ACO1: variants seen among roughly 807,000 people sequenced by gnomAD.
ACO1 encodes the protein cytoplasmic aconitate hydratase.
ACO1 carries 78 observed loss-of-function variants against 105.1 expected under a neutral mutation model. The observed-to-expected ratio is 0.74, with a 90% CI of 0.62 to 0.90. The LOEUF (loss-of-function observed/expected upper bound fraction) is 0.90, where lower values mean the gene tolerates loss of function less well. ACO1 is among the 40% of genes least tolerant of loss of function. ACO1 has a pLI of 0.00. For synonymous variants in ACO1, 364 were observed against 397.4 expected, an observed-to-expected ratio of 0.92 and a Z score of 1.00; for missense variants, 965 against 1,111.1, an observed-to-expected ratio of 0.87 and a Z score of 1.87.
At chr9:32,409,883 T>G (rs1821698289) in intron 4 of ACO1, among the ~76,000 whole-genome samples, 1 of 151,962 alleles carries the variant, frequency 6.6e-6, no homozygotes, top group African/African-American at 2.4e-5. Context: ...ACTGAACATG[T>G]GAATATGCAG....
chr9:32,387,735 C>G (rs1171274194), intron 1 of ACO1, among the ~76,000 whole-genome samples: 4 of 152,162 alleles, frequency 2.6e-5, no homozygotes, highest in Admixed American at 6.5e-5. Context: ...TGCAGCTACT[C>G]AGCTCTGGTG....
intron 13 of ACO1, among the ~76,000 whole-genome samples, chr9:32,429,775 T>A (rs535091694): frequency 2.0e-5 from 3 of 152,330 alleles, no homozygotes; most frequent in African/African-American, 7.2e-5. Flanking sequence ...CATAAGTCAC[T>A]TAGTGCAGTG....
chr9:32,435,939 T>C (rs1228883875), intron 17 of ACO1: 4 of 502,310 alleles, frequency 8.0e-6, no homozygotes, highest in African/African-American at 5.8e-5. Context: ...TATGAAGCTT[T>C]ATAGGCTACC....
chr9:32,402,275 C>T (rs954768661), intron 1 of ACO1, among the ~76,000 whole-genome samples: 4 of 152,026 alleles, frequency 2.6e-5, no homozygotes, highest in Non-Finnish European at 4.4e-5. Flanking sequence ...AAAGCAGCAA[C>T]CCCAAATAGT....
At chr9:32,436,514 C>G in intron 18 of ACO1, 117 bp downstream of exon 18, 1 of 1,169,224 alleles carries the variant, frequency 8.6e-7, no homozygotes, top group Non-Finnish European at 1.2e-6. Context: ...CCATCCTACC[C>G]TAACTACAGT....
intron 11 of ACO1, 27 bp downstream of exon 11, chr9:32,426,024 G>T: frequency 6.2e-7 from 1 of 1,607,916 alleles, no homozygotes; most frequent in Non-Finnish European, 8.5e-7. Flanking sequence ...CCATCCTCAT[G>T]GTCATACATG....
rs1347023093 is a variant in ACO1, at chr9:32,450,362, A to C, written c.*251A>C. 2 of 544,554 alleles carry C rather than the reference A, an allele frequency of 3.7e-6. No homozygotes were observed. The highest frequency in any genetic ancestry group is 7.4e-5 in the East Asian group (2 of 27,100). 33.7% of individuals were successfully genotyped at this position (544,554 alleles called of 1,614,324 possible). ...ATGGTGGGAATGTCAGTAGTGCCAG[A>C]AAGAGAGAACCAAGCTTGTCTTTAA... On this transcript the variant is annotated 3_prime_UTR_variant, in exon 21 of 21. Transcript: ENST00000309951.
intron 18 of ACO1, among the ~76,000 whole-genome samples, chr9:32,437,629 T>C (rs1268399828): frequency 1.3e-5 from 2 of 152,226 alleles, no homozygotes; most frequent in Non-Finnish European, 2.9e-5. Flanking sequence ...TCTAGTCAGA[T>C]GTCTAGAACC....
chr9:32,404,587 G>T (rs1821566486), intron 1 of ACO1, among the ~76,000 whole-genome samples: 1 of 152,328 alleles, frequency 6.6e-6, no homozygotes, highest in Admixed American at 6.5e-5. Context: ...GCTGGAGCCA[G>T]GTGGCCTCTG....
chr9:32,449,681 A>G (rs752430012), intron 20 of ACO1, among the ~76,000 whole-genome samples: 35 of 152,188 alleles, frequency 2.3e-4, no homozygotes, highest in Non-Finnish European at 4.7e-4. Flanking sequence ...AGGTTTAGAA[A>G]ATACCACCCT....
intron 2 of ACO1, among the ~76,000 whole-genome samples, chr9:32,406,507 C>T (rs1821614351): frequency 6.6e-6 from 1 of 152,138 alleles, no homozygotes; most frequent in African/African-American, 2.4e-5. Flanking sequence ...CCTATAGTCC[C>T]TGGTATTTAG....
intron 6 of ACO1, 112 bp from the exon 7 acceptor site, chr9:32,418,926 C>T: frequency 7.8e-7 from 1 of 1,275,010 alleles, no homozygotes. Flanking sequence ...TGACTCTGCA[C>T]CAATTAAACG....
rs747971044 is a variant in ACO1 at position 32,420,962 on chromosome 9, A to T, written c.905A>T (p.Glu302Val). ...DRATIANMCP[E>V]YGATAAFFPV... is the part of the protein sequence containing the mutation. ...GCTACGATTGCTAACATGTGTCCAGAGTACGGAGCAACTGCTGCCTTTTTC... is the reference window on the plus strand; with the variant it reads ...GCTACGATTGCTAACATGTGTCCAGTGTACGGAGCAACTGCTGCCTTTTTC... Residue 302 changes from glutamate (E) to valine (V), a missense_variant, in exon 8 of 21, where the codon GAG becomes GTG. Coordinates refer to ENST00000309951, the MANE Select transcript of ACO1 (RefSeq NM_002197.3). The T allele has an allele frequency of 2.5e-6, 4 of 1,614,188 alleles. No individual in the cohort carries two copies. In the South Asian group the frequency reaches 4.4e-5, roughly 18 times the overall value.
intron 11 of ACO1, among the ~76,000 whole-genome samples, chr9:32,426,540 T>C (rs1211633000): frequency 6.6e-6 from 1 of 152,226 alleles, no homozygotes; most frequent in Admixed American, 6.5e-5. Context: ...GCTCCTCTTA[T>C]ATCCATCCAC....
At chr9:32,425,001 G>A (rs538494582) in intron 10 of ACO1, among the ~76,000 whole-genome samples, 3 of 152,144 alleles carry the variant, frequency 2.0e-5, no homozygotes, top group Non-Finnish European at 4.4e-5. Context: ...ATATTACTCT[G>A]TTCTGTGAAC....
chr9:32,448,563 G>C (rs1822675351), intron 19 of ACO1, among the ~76,000 whole-genome samples: 1 of 152,206 alleles, frequency 6.6e-6, no homozygotes, highest in African/African-American at 2.4e-5. Context: ...AGAGTGCACT[G>C]TTCCTCCTGG....
At chr9:32,446,131 T>A (rs1419021148) in intron 19 of ACO1, among the ~76,000 whole-genome samples, 1 of 152,218 alleles carries the variant, frequency 6.6e-6, no homozygotes, top group Non-Finnish European at 1.5e-5. Context: ...TAGGTCAGCT[T>A]TGTCCAGAGG....
At chr9:32,392,701 A>C (rs1821290762) in intron 1 of ACO1, among the ~76,000 whole-genome samples, 1 of 152,016 alleles carries the variant, frequency 6.6e-6, no homozygotes, top group Admixed American at 6.5e-5. Context: ...TTTTTTCCTT[A>C]CCTACCCCAG....
chr9:32,403,084 G>T (rs926552114), intron 1 of ACO1, among the ~76,000 whole-genome samples: 1 of 152,202 alleles, frequency 6.6e-6, no homozygotes, highest in East Asian at 1.9e-4. Context: ...TTAGGGGCTA[G>T]TGGGTGACCT....
Sources: gnomAD v4.1 joint callset for allele counts (sites outside exome capture counted in the v4.1 genomes callset) on GRCh38, gnomAD v4.1.1 for gene constraint, MANE v1.5 for transcripts, NCBI Gene and HGNC (gene_info 2026-07-23, HGNC 2026-07-21) for gene names.